Variants in GSTA5 observed in about 807,000 individuals in gnomAD.
The protein encoded by GSTA5 is glutathione S-transferase alpha 5.
A neutral mutation model predicts 21.8 loss-of-function variants in GSTA5; 25 were observed. That is an observed-to-expected ratio of 1.14 (90% CI 0.83 to 1.60). The LOEUF is 1.60. GSTA5 is among the 40% of genes most tolerant of loss of function. The pLI, the probability that GSTA5 is intolerant of heterozygous loss-of-function variation, is 0.00. For missense variants in GSTA5, 330 were observed against 259.2 expected (o/e 1.27, Z -1.88); for synonymous variants, 102 against 89.5 (o/e 1.14, Z -0.78).
At chr6:52,834,115 C>T (rs201789617) in intron 4 of GSTA5, 26 bp downstream of exon 4, 1 of 1,613,938 alleles carries the variant, frequency 6.2e-7, no homozygotes, top group Admixed American at 1.7e-5. Flanking sequence ...ACTCAGTTCC[C>T]CTAAACATTG....
At chr6:52,836,815 A>G (rs1056670916) in intron 2 of GSTA5, among the ~76,000 whole-genome samples, 5 of 152,230 alleles carry the variant, frequency 3.3e-5, no homozygotes, top group African/African-American at 1.2e-4. Flanking sequence ...CCCGGCCCAA[A>G]CAACATTTTT....
chr6:52,840,694 A>C, intron 1 of GSTA5, 33 bp downstream of exon 1: 1 of 1,588,234 alleles, frequency 6.3e-7, no homozygotes, highest in South Asian at 1.1e-5. Context: ...GCAATTTTAA[A>C]TCCAACTTAA....
intron 3 of GSTA5, 110 bp from the exon 4 acceptor site, chr6:52,834,392 C>T: frequency 1.0e-6 from 1 of 989,846 alleles, no homozygotes. Flanking sequence ...AATTCACCTC[C>T]AGTTAGTGCC....
chr6:52,838,079 C>T (rs1294882138), intron 1 of GSTA5, among the ~76,000 whole-genome samples: 1 of 152,216 alleles, frequency 6.6e-6, no homozygotes. Flanking sequence ...TTTTCAGGAA[C>T]CCTGCTAAGG....
At chr6:52,843,384 G>C (rs1413962761), upstream of GSTA5, among the ~76,000 whole-genome samples, 1 of 152,114 alleles carries the variant, frequency 6.6e-6, no homozygotes, top group Non-Finnish European at 1.5e-5. Flanking sequence ...TAAAAGTGTT[G>C]CTATTTCTCC....
chr6:52,832,766 G>A, intron 5 of GSTA5, 93 bp downstream of exon 5: 1 of 1,582,558 alleles, frequency 6.3e-7, no homozygotes, highest in Non-Finnish European at 8.7e-7. Context: ...CTGGAGAAGG[G>A]TGGGGTCAAA....
chr6:52,833,818 A>G (rs971749089), intron 4 of GSTA5, among the ~76,000 whole-genome samples: 1 of 152,218 alleles, frequency 6.6e-6, no homozygotes. Context: ...ATGGGGTTCC[A>G]TAGACTCAAC....
chr6:52,837,410 G>A, intron 2 of GSTA5, 148 bp downstream of exon 2: 1 of 519,274 alleles, frequency 1.9e-6, no homozygotes, highest in South Asian at 2.5e-5. Context: ...TGATCAAGGA[G>A]CCACATCCCT....
At chr6:52,831,888 T>A (rs1764220097) in exon 6 of GSTA5, 1 of 1,613,948 alleles carries the variant, frequency 6.2e-7, no homozygotes, top group Admixed American at 1.7e-5. Context: ...TAAAGATTTC[T>A]CATCCATGGG....
upstream of GSTA5, chr6:52,840,943 T>G: frequency 1.3e-6 from 1 of 784,798 alleles, no homozygotes; most frequent in Non-Finnish European, 2.0e-6. Flanking sequence ...ACCTGCCTTC[T>G]TCATGACTGG....
At chr6:52,835,644 G>C (rs1414638591) in intron 3 of GSTA5, among the ~76,000 whole-genome samples, 1 of 152,166 alleles carries the variant, frequency 6.6e-6, no homozygotes, top group African/African-American at 2.4e-5. Flanking sequence ...ACAACAGAGA[G>C]GAGACCCCTT....
At chr6:52,836,575 G>A (rs878974538) in intron 2 of GSTA5, among the ~76,000 whole-genome samples, 2 of 152,176 alleles carry the variant, frequency 1.3e-5, no homozygotes, top group South Asian at 2.1e-4. Context: ...GCAGTGGGAC[G>A]ATCTCAGCTC....
upstream of GSTA5, among the ~76,000 whole-genome samples, chr6:52,844,743 C>A (rs574689465): frequency 6.6e-6 from 1 of 152,084 alleles, no homozygotes; most frequent in African/African-American, 2.4e-5. Flanking sequence ...AATGAGATAA[C>A]GTACAAAAAA....
upstream of GSTA5, among the ~76,000 whole-genome samples, chr6:52,843,322 G>A (rs1764408784): frequency 1.3e-5 from 2 of 152,244 alleles, no homozygotes; most frequent in South Asian, 4.2e-4. Context: ...TTGAGGAATT[G>A]CCATACTGTC....
intron 1 of GSTA5, among the ~76,000 whole-genome samples, chr6:52,839,643 C>T (rs1764344998): frequency 1.3e-5 from 2 of 152,178 alleles, no homozygotes; most frequent in Non-Finnish European, 2.9e-5. Context: ...TCTGCTGCCA[C>T]CCGAGGGACA....
upstream of GSTA5, among the ~76,000 whole-genome samples, chr6:52,844,500 T>C (rs527555700): frequency 2.0e-5 from 3 of 152,254 alleles, no homozygotes; most frequent in Admixed American, 6.5e-5. Flanking sequence ...ATGGGCTTAA[T>C]TTGAAAGGAA....
intron 4 of GSTA5, among the ~76,000 whole-genome samples, chr6:52,833,448 T>G (rs1272177213): frequency 6.6e-6 from 1 of 152,170 alleles, no homozygotes. Context: ...AGTCCTCATT[T>G]GTCCTTGTCT....
chr6:52,842,255 A>G (rs911889621), upstream of GSTA5, among the ~76,000 whole-genome samples: 3 of 152,206 alleles, frequency 2.0e-5, no homozygotes, highest in Non-Finnish European at 2.9e-5. Flanking sequence ...ACTCATTGAA[A>G]GCAGGAGTTC....
chr6:52,841,094 T>G (rs1157473121), upstream of GSTA5, among the ~76,000 whole-genome samples: 1 of 152,226 alleles, frequency 6.6e-6, no homozygotes, highest in Non-Finnish European at 1.5e-5. Context: ...TAATAATACA[T>G]GTACAGGAGT....
Sources: allele counts gnomAD v4.1 joint callset (sites outside exome capture counted in the v4.1 genomes callset), GRCh38; gene constraint gnomAD v4.1.1; transcripts MANE v1.5; gene names NCBI Gene and HGNC (gene_info 2026-07-23, HGNC 2026-07-21).